Variants in C1QTNF3 observed in about 807,000 individuals in gnomAD.
C1QTNF3 encodes C1q and TNF related 3.
C1QTNF3 carries 26 observed loss-of-function variants against 32.6 expected under a neutral mutation model. The ratio of observed to expected loss-of-function variants is 0.80; its 90% CI spans 0.58 to 1.11. C1QTNF3 has a LOEUF of 1.11. Ranked by LOEUF, C1QTNF3 falls within the 50% of genes least tolerant of loss-of-function variation. The pLI is 0.00. For synonymous variants in C1QTNF3, 155 were observed against 146.0 expected, an observed-to-expected ratio of 1.06 and a Z score of -0.44; for missense variants, 362 against 398.2, an observed-to-expected ratio of 0.91 and a Z score of 0.77.
the C1QTNF3 span, among the ~76,000 whole-genome samples, chr5:34,238,710 T>C: frequency 2.0e-5 from 3 of 152,072 alleles, no homozygotes; most frequent in East Asian, 5.8e-4. Context: ...ACTTGGAAAA[T>C]AGATTTGAGA....
chr5:34,130,260 T>C, the C1QTNF3 span, among the ~76,000 whole-genome samples: 1 of 152,144 alleles, frequency 6.6e-6, no homozygotes, highest in South Asian at 2.1e-4. Flanking sequence ...TACTTTTTTT[T>C]ATAAAGGAGT....
chr5:34,082,255 C>T, the C1QTNF3 span, among the ~76,000 whole-genome samples: 1 of 151,326 alleles, frequency 6.6e-6, no homozygotes, highest in East Asian at 1.9e-4. Flanking sequence ...ATGTGCCATA[C>T]TGTAGAAAGG....
chr5:34,064,585 C>G, the C1QTNF3 span, among the ~76,000 whole-genome samples: 1 of 152,306 alleles, frequency 6.6e-6, no homozygotes, highest in Admixed American at 6.5e-5. Flanking sequence ...TGATCAGGAG[C>G]AGCAATGGGT....
At chr5:34,213,106 G>A in the C1QTNF3 span, among the ~76,000 whole-genome samples, 13 of 152,234 alleles carry the variant, frequency 8.5e-5, no homozygotes, top group Admixed American at 5.9e-4. Flanking sequence ...ACTACCATAG[G>A]TCAAATGGAT....
the C1QTNF3 span, among the ~76,000 whole-genome samples, chr5:34,137,715 T>C: frequency 6.6e-6 from 1 of 152,332 alleles, no homozygotes; most frequent in African/African-American, 2.4e-5. Flanking sequence ...CACATATGAG[T>C]GCTCTCATAC....
chr5:34,139,792 G>A, the C1QTNF3 span, among the ~76,000 whole-genome samples: 1 of 152,182 alleles, frequency 6.6e-6, no homozygotes, highest in Admixed American at 6.5e-5. Flanking sequence ...TGATTATCCA[G>A]TGATGTATTG....
At chr5:34,036,319 G>C (rs996957080) in intron 1 of C1QTNF3, among the ~76,000 whole-genome samples, 2 of 151,834 alleles carry the variant, frequency 1.3e-5, no homozygotes, top group African/African-American at 2.4e-5. Flanking sequence ...AGAAAACGAA[G>C]GAAATAAAGT....
chr5:34,071,124 T>C, the C1QTNF3 span, among the ~76,000 whole-genome samples: 3 of 152,224 alleles, frequency 2.0e-5, no homozygotes, highest in Admixed American at 6.5e-5. Context: ...TTGACACTAA[T>C]TGCCGGTAAA....
the C1QTNF3 span, among the ~76,000 whole-genome samples, chr5:34,214,057 C>T: frequency 1.3e-5 from 2 of 149,986 alleles, no homozygotes; most frequent in African/African-American, 2.5e-5. Context: ...GTGATCTACC[C>T]CCTCGGCCTC....
In C1QTNF3 at chr5:34,035,695, G is replaced by T. The variant is rs759158354; in HGVS notation, c.367C>A (p.Arg123=). ...GGCCCAGGGGGGCCTTGGTAGCCTCGAAAGCTGTAGTCTCCATGACAACAC... is the reference window on the plus strand; with the variant it reads ...GGCCCAGGGGGGCCTTGGTAGCCTCTAAAGCTGTAGTCTCCATGACAACAC... ...SKCCHGDYSF[R]GYQGPPGPPG... The change falls in exon 2 of 6, where the codon CGA becomes AGA. Residue 123 remains arginine, a synonymous_variant. Transcript: ENST00000382065. 4 of 1,611,744 alleles carry T rather than the reference G, an allele frequency of 2.5e-6. No individual in the cohort carries two copies. Among genetic ancestry groups the T allele is most frequent in the Non-Finnish European group, 8.5e-7 (1 of 1,179,384 alleles).
chr5:34,243,155 A>G, the C1QTNF3 span, among the ~76,000 whole-genome samples: 4 of 152,206 alleles, frequency 2.6e-5, no homozygotes, highest in African/African-American at 7.2e-5. Context: ...GAAAAGGCAA[A>G]GGACACGAAC....
At chr5:34,147,761 A>T in the C1QTNF3 span, among the ~76,000 whole-genome samples, 5 of 152,340 alleles carry the variant, frequency 3.3e-5, 1 homozygote, top group South Asian at 1.0e-3. Flanking sequence ...AAACCTCAGC[A>T]TCACACAACA....
intron 1 of C1QTNF3, among the ~76,000 whole-genome samples, chr5:34,040,535 T>C (rs1754844323): frequency 6.6e-6 from 1 of 151,998 alleles, no homozygotes; most frequent in African/African-American, 2.4e-5. Context: ...AGAGCCCAGG[T>C]CTGCCCACCC....
chr5:34,160,277 G>A, the C1QTNF3 span, among the ~76,000 whole-genome samples: 72 of 152,230 alleles, frequency 4.7e-4, no homozygotes, highest in South Asian at 8.1e-3. Context: ...CTACCATCCC[G>A]TTTTTCTTTT....
intron 1 of C1QTNF3, among the ~76,000 whole-genome samples, chr5:34,039,486 G>A (rs1458957627): frequency 6.6e-6 from 1 of 152,128 alleles, no homozygotes; most frequent in Non-Finnish European, 1.5e-5. Context: ...AGACCCGTGT[G>A]GATTCACTTT....
the C1QTNF3 span, among the ~76,000 whole-genome samples, chr5:34,126,683 G>C: frequency 6.7e-6 from 1 of 148,892 alleles, no homozygotes; most frequent in Admixed American, 6.8e-5. Context: ...CCAAGTTACG[G>C]AATCAACCAA....
chr5:34,244,397 G>T, the C1QTNF3 span, among the ~76,000 whole-genome samples: 3 of 152,140 alleles, frequency 2.0e-5, no homozygotes, highest in Non-Finnish European at 4.4e-5. Context: ...TGTGGAAAGG[G>T]ACCCTAGCAC....
the C1QTNF3 span, among the ~76,000 whole-genome samples, chr5:34,141,243 C>T: frequency 3.3e-5 from 5 of 152,090 alleles, no homozygotes; most frequent in African/African-American, 7.2e-5. Flanking sequence ...CTCAGCCTCC[C>T]GAGTAGCTGG....
the C1QTNF3 span, among the ~76,000 whole-genome samples, chr5:34,240,814 A>G: frequency 6.6e-6 from 1 of 152,164 alleles, no homozygotes; most frequent in Admixed American, 6.5e-5. Flanking sequence ...AGAGACGCAA[A>G]AAAAAAGAAC....
Sources: allele counts gnomAD v4.1 joint callset (sites outside exome capture counted in the v4.1 genomes callset), GRCh38; gene constraint gnomAD v4.1.1; transcripts MANE v1.5; gene names NCBI Gene and HGNC (gene_info 2026-07-23, HGNC 2026-07-21).